SLC25A16: variants seen among roughly 807,000 people sequenced by gnomAD.
SLC25A16 encodes the protein solute carrier family 25 member 16.
SLC25A16 carries 39 observed loss-of-function variants against 41.5 expected under a neutral mutation model. The observed-to-expected ratio is 0.94, with a 90% CI of 0.73 to 1.23. The LOEUF (loss-of-function observed/expected upper bound fraction) is 1.23, where lower values mean the gene tolerates loss of function less well. SLC25A16 is among the 50% of genes most tolerant of loss of function. The pLI is 0.00. For synonymous variants in SLC25A16, 146 were observed against 147.8 expected (o/e 0.99, Z 0.09); for missense variants, 421 against 426.9 (o/e 0.99, Z 0.12).
Position 68,511,868 on chromosome 10 carries a change from T to G in SLC25A16, c.223+4883A>C, listed in dbSNP as rs1039580114. 3.3e-5 allele frequency among the ~76,000 whole-genome samples: 5 copies of G among 151,978 alleles called. No homozygotes were observed. The East Asian group carries it at 9.6e-4, about 29-fold the overall frequency. Reference sequence around the variant, plus strand: ...GCAACCACATGCATTTAATTTTTTTTTTTTTTAAGATGGGTTCTCACTCTA... The same window carrying G: ...GCAACCACATGCATTTAATTTTTTTGTTTTTTAAGATGGGTTCTCACTCTA... On this transcript the variant is annotated intron_variant, in intron 2 of 8. Transcript: ENST00000609923.
chr10:68,480,490 C>CTTTTTTTTTTTTTTTTTTTTTTTTT lies in SLC25A16; in HGVS notation c.*2941_*2942insAAAAAAAAAAAAAAAAAAAAAAAAA, dbSNP rs10544543. The CTTTTTTTTTTTTTTTTTTTTTTTTT allele has an allele frequency of 5.8e-5, 4 of 69,486 alleles. 1 individual carries two copies. Among genetic ancestry groups the CTTTTTTTTTTTTTTTTTTTTTTTTT allele is most frequent in the Non-Finnish European group, 1.0e-4 (4 of 38,502 alleles). The allele number at this position is 69,486 out of a possible 1,614,324, so 4.3% of individuals were successfully genotyped here. A position where few individuals can be genotyped will look rare whatever the true frequency, so the allele number is the denominator to read the frequency against. ...TTTACTGATAACCTAACTGAGGTAT[C>CTTTTTTTTTTTTTTTTTTTTTTTTT]TTTTTTTTTTTTTTTTTTTTTTTTG... On this transcript the variant is annotated 3_prime_UTR_variant, in exon 9 of 9. Coordinates refer to ENST00000609923, the MANE Select transcript of SLC25A16 (RefSeq NM_152707.4).
At chr10:68,523,142 T>C (rs2053275179) in intron 1 of SLC25A16, among the ~76,000 whole-genome samples, 1 of 152,158 alleles carries the variant, frequency 6.6e-6, no homozygotes, top group Non-Finnish European at 1.5e-5. Context: ...CAGGCTTGAG[T>C]GCAGTGCTGC....
intron 8 of SLC25A16, among the ~76,000 whole-genome samples, chr10:68,484,772 A>G (rs2052531787): frequency 6.6e-6 from 1 of 152,156 alleles, no homozygotes; most frequent in Non-Finnish European, 1.5e-5. Flanking sequence ...TTGGGTGAAC[A>G]CGGCAATCCA....
At chr10:68,509,735 A>ATCTATATC (rs201061957) in intron 2 of SLC25A16, among the ~76,000 whole-genome samples, 1 of 143,174 alleles carries the variant, frequency 7.0e-6, no homozygotes. Context: ...ATCTATCTAT[A>ATCTATATC]TATATATCTA....
At chr10:68,523,959 G>A (rs549138783) in intron 1 of SLC25A16, among the ~76,000 whole-genome samples, 3 of 151,944 alleles carry the variant, frequency 2.0e-5, no homozygotes, top group Non-Finnish European at 2.9e-5. Flanking sequence ...ATTAGGGCCA[G>A]GCACAGTGGC....
chr10:68,505,730 G>T (rs900646561), intron 3 of SLC25A16, among the ~76,000 whole-genome samples: 1 of 151,908 alleles, frequency 6.6e-6, no homozygotes, highest in Non-Finnish European at 1.5e-5. Context: ...GTGAAACTCC[G>T]TCTGAAAAAA....
intron 8 of SLC25A16, among the ~76,000 whole-genome samples, chr10:68,485,466 C>A (rs2052543972): frequency 6.6e-6 from 1 of 151,690 alleles, no homozygotes; most frequent in Non-Finnish European, 1.5e-5. Context: ...CTAACTGCAA[C>A]CTCCGCCTCC....
At chr10:68,505,869 C>A (rs988165150) in intron 3 of SLC25A16, among the ~76,000 whole-genome samples, 1 of 151,964 alleles carries the variant, frequency 6.6e-6, no homozygotes, top group Non-Finnish European at 1.5e-5. Flanking sequence ...CCCATCTCTA[C>A]TAAAAATACA....
At chr10:68,509,114 A>T (rs910438283) in intron 2 of SLC25A16, among the ~76,000 whole-genome samples, 8 of 152,042 alleles carry the variant, frequency 5.3e-5, no homozygotes, top group Non-Finnish European at 1.2e-4. Context: ...GAGGCAGCGG[A>T]TCACTTGAGG....
intron 3 of SLC25A16, among the ~76,000 whole-genome samples, chr10:68,504,017 C>CTTTTTTTTTTTTTTTTTTTTT (rs148285905): frequency 1.4e-5 from 1 of 70,872 alleles, no homozygotes; most frequent in African/African-American, 5.7e-5. Flanking sequence ...TAAACTGCTA[C>CTTTTTTTTTTTTTTTTTTTTT]TTTTTTTTTT....
intron 1 of SLC25A16, among the ~76,000 whole-genome samples, chr10:68,526,502 T>C (rs543736555): frequency 1.3e-5 from 2 of 152,214 alleles, no homozygotes; most frequent in Admixed American, 6.5e-5. Context: ...GGATCCTCCA[T>C]ATGCTGAACG....
At chr10:68,516,651 C>G (rs2053165662) in intron 2 of SLC25A16, 100 bp downstream of exon 2, 3 of 726,512 alleles carry the variant, frequency 4.1e-6, no homozygotes, top group Non-Finnish European at 6.5e-6. Context: ...TAAAGAGGAA[C>G]CTCTACTTTA....
intron 5 of SLC25A16, 90 bp from the exon 6 acceptor site, chr10:68,493,288 T>C: frequency 8.7e-7 from 1 of 1,149,298 alleles, no homozygotes; most frequent in African/African-American, 1.6e-5. Flanking sequence ...AACAGAAAAA[T>C]TATTCAGGGA....
At chr10:68,514,883 G>A (rs2053133805) in intron 2 of SLC25A16, among the ~76,000 whole-genome samples, 2 of 151,818 alleles carry the variant, frequency 1.3e-5, no homozygotes, top group South Asian at 2.1e-4. Flanking sequence ...GATTACAGGT[G>A]CCTGCCACCA....
chr10:68,486,240 A>AAAAAAAAAC (rs1564908736), intron 8 of SLC25A16, among the ~76,000 whole-genome samples: 12 of 146,834 alleles, frequency 8.2e-5, no homozygotes, highest in African/African-American at 2.6e-4. Flanking sequence ...ACAAAAAAAA[A>AAAAAAAAAC]AAAAAAACAC....
chr10:68,515,185 C>T (rs1306585894), intron 2 of SLC25A16, among the ~76,000 whole-genome samples: 15 of 150,124 alleles, frequency 1.0e-4, no homozygotes, highest in Admixed American at 8.6e-4. Flanking sequence ...AGAGAAACCC[C>T]GTCTCTACTA....
At chr10:68,515,842 G>T (rs2053153437) in intron 2 of SLC25A16, among the ~76,000 whole-genome samples, 1 of 152,078 alleles carries the variant, frequency 6.6e-6, no homozygotes, top group African/African-American at 2.4e-5. Flanking sequence ...AAATCAGACT[G>T]AGTTGTTACG....
chr10:68,517,200 C>A (rs1274526264), intron 1 of SLC25A16: 5 of 998,968 alleles, frequency 5.0e-6, no homozygotes, highest in South Asian at 4.6e-5. Context: ...AACATTTTTA[C>A]GGAGACAGAC....
intron 4 of SLC25A16, among the ~76,000 whole-genome samples, chr10:68,500,801 C>T (rs925168055): frequency 1.3e-5 from 2 of 151,214 alleles, no homozygotes; most frequent in Admixed American, 6.6e-5. Context: ...GTATGTGGCA[C>T]GTGCCCGTAA....
Sources: allele counts gnomAD v4.1 joint callset (sites outside exome capture counted in the v4.1 genomes callset), GRCh38; gene constraint gnomAD v4.1.1; transcripts MANE v1.5; gene names NCBI Gene and HGNC (gene_info 2026-07-23, HGNC 2026-07-21).